Variants in STK32C observed in about 807,000 individuals in gnomAD.
The protein encoded by STK32C is serine/threonine-protein kinase 32C.
Under a neutral mutation model 56.5 loss-of-function variants are expected in STK32C, and 31 were observed. That is an observed-to-expected ratio of 0.55 (90% confidence interval 0.41 to 0.74). STK32C has a LOEUF of 0.74. Among genes scored for constraint, STK32C ranks in the 30% least tolerant of loss-of-function variants. STK32C has a pLI of 0.00. For synonymous variants in STK32C, 309 were observed against 289.4 expected, an observed-to-expected ratio of 1.07 and a Z score of -0.69; for missense variants, 544 against 676.9, an observed-to-expected ratio of 0.80 and a Z score of 2.18.
At chr10:132,222,489 G>A in intron 10 of STK32C, 152 bp downstream of exon 10, 2 of 984,750 alleles carry the variant, frequency 2.0e-6, no homozygotes, top group South Asian at 3.4e-5. Flanking sequence ...AGGCAGAAGG[G>A]AGGTCTCTGG....
chr10:132,292,918 T>C (rs941493642), intron 1 of STK32C, among the ~76,000 whole-genome samples: 2 of 134,798 alleles, frequency 1.5e-5, no homozygotes, highest in Admixed American at 7.1e-5. Flanking sequence ...CCCTTCCCCA[T>C]GCAGACGTCC....
chr10:132,249,950 G>C (rs1259891556), intron 1 of STK32C, among the ~76,000 whole-genome samples: 1 of 152,260 alleles, frequency 6.6e-6, no homozygotes, highest in Non-Finnish European at 1.5e-5. Flanking sequence ...CTCAGCGGAG[G>C]AGATAAGGAA....
chr10:132,305,969 G>A (rs2066046984), intron 1 of STK32C, among the ~76,000 whole-genome samples: 2 of 152,232 alleles, frequency 1.3e-5, no homozygotes, highest in South Asian at 2.1e-4. Flanking sequence ...TCCTACTACA[G>A]GCAAATACGG....
At chr10:132,225,369 AC>A in intron 6 of STK32C, 33 bp from the exon 7 acceptor site, 1 of 1,594,924 alleles carries the variant, frequency 6.3e-7, no homozygotes, top group Non-Finnish European at 8.5e-7. Flanking sequence ...AACAGCTGCC[AC>A]GGGGTCACAG....
intron 1 of STK32C, among the ~76,000 whole-genome samples, chr10:132,264,112 T>C (rs1012517429): frequency 6.6e-6 from 1 of 152,116 alleles, no homozygotes; most frequent in Non-Finnish European, 1.5e-5. Context: ...TCAGTAGGCA[T>C]GGAGTCTCCC....
At chr10:132,253,150 T>C (rs2063966834) in intron 1 of STK32C, among the ~76,000 whole-genome samples, 1 of 152,232 alleles carries the variant, frequency 6.6e-6, no homozygotes, top group Non-Finnish European at 1.5e-5. Flanking sequence ...TCTCCAGGCT[T>C]ACCAGGAGCA....
intron 1 of STK32C, among the ~76,000 whole-genome samples, chr10:132,289,641 G>A (rs2065508236): frequency 6.6e-6 from 1 of 152,218 alleles, no homozygotes; most frequent in South Asian, 2.1e-4. Context: ...GGAAGACTCA[G>A]TGTCTGGTGA....
At chr10:132,223,752 G>C (rs529948279) in intron 8 of STK32C, among the ~76,000 whole-genome samples, 1 of 152,184 alleles carries the variant, frequency 6.6e-6, no homozygotes, top group Non-Finnish European at 1.5e-5. Flanking sequence ...AGCCGGGCCC[G>C]TGTGGCACAC....
At position 132,231,399 on chromosome 10, in the gene STK32C, G is replaced by C. The variant is rs147739668; in HGVS notation, c.319-3271C>G. Among the ~76,000 whole-genome samples, 437 of 152,348 alleles carry C rather than the reference G, an allele frequency of 2.9e-3. 4 individuals are homozygous for C. The highest frequency in any genetic ancestry group is 1.0e-2 in the African/African-American group (415 of 41,574). Reference sequence around the variant, plus strand: ...AGGCAGGGTTACACTCAGGTCTCCCGAGTCTTTGGGCTCTGTGTCCTGGAA... The same window carrying C: ...AGGCAGGGTTACACTCAGGTCTCCCCAGTCTTTGGGCTCTGTGTCCTGGAA... On this transcript the variant is annotated intron_variant, in intron 2 of 11. Coordinates refer to ENST00000298630, the MANE Select transcript of STK32C (RefSeq NM_173575.4).
chr10:132,243,711 G>A (rs1041117448), intron 2 of STK32C, among the ~76,000 whole-genome samples: 22 of 152,308 alleles, frequency 1.4e-4, no homozygotes, highest in Middle Eastern at 3.4e-3. Flanking sequence ...ATCCATTTCC[G>A]AGAGCGGCGG....
chr10:132,297,492 G>T (rs2065787501), intron 1 of STK32C, among the ~76,000 whole-genome samples: 1 of 152,182 alleles, frequency 6.6e-6, no homozygotes, highest in African/African-American at 2.4e-5. Flanking sequence ...AGGGTCCAAT[G>T]CTTTCTTCAG....
intron 10 of STK32C, among the ~76,000 whole-genome samples, chr10:132,209,785 C>T (rs2062232012): frequency 6.6e-6 from 1 of 152,164 alleles, no homozygotes; most frequent in South Asian, 2.1e-4. Context: ...ACTACCAACG[C>T]GTGAGCAAAT....
chr10:132,215,666 G>A (rs980850628), intron 10 of STK32C, among the ~76,000 whole-genome samples: 4 of 152,094 alleles, frequency 2.6e-5, no homozygotes, highest in South Asian at 2.1e-4. Context: ...TTTATTAGCA[G>A]CGTGAGAACA....
In STK32C at chr10:132,240,303, T is replaced by G. The variant is rs531597547; in HGVS notation, c.318+5597A>C. ...CCCTCAGAACCAGCTCCTCCCGGCG[T>G]GGACTCAGAGGCCACAGGCTCAGCC... is the stretch of plus-strand genomic sequence containing the variant. On this transcript the variant is annotated intron_variant, in intron 2 of 11. Transcript: ENST00000298630. Among the ~76,000 whole-genome samples the G allele has an allele frequency of 2.0e-3, 312 of 152,278 alleles. 2 individuals carry two copies. Among genetic ancestry groups the G allele is most frequent in the African/African-American group, 7.4e-3 (306 of 41,554 alleles).
At chr10:132,230,469 G>A (rs376768657) in intron 2 of STK32C, among the ~76,000 whole-genome samples, 53 of 152,118 alleles carry the variant, frequency 3.5e-4, no homozygotes, top group African/African-American at 1.0e-3. Context: ...CAGCACCCGC[G>A]GCCTCCTGCA....
chr10:132,277,346 C>A (rs2065023783), intron 1 of STK32C, among the ~76,000 whole-genome samples: 2 of 152,262 alleles, frequency 1.3e-5, no homozygotes, highest in Non-Finnish European at 2.9e-5. Context: ...CTCCAGCCCA[C>A]CATTCCTGTG....
Position 132,230,676 on chromosome 10 carries a change from T to TGGTGGG in STK32C, c.319-2549_319-2548insCCCACC, listed in dbSNP as rs1301559652. Among the ~76,000 whole-genome samples, 11 of 6,748 alleles carry TGGTGGG rather than the reference T, an allele frequency of 1.6e-3. 1 individual carries two copies. The highest frequency in any genetic ancestry group is 6.0e-3 in the Admixed American group (5 of 828). 4.4% of individuals were successfully genotyped at this position (6,748 alleles called of 152,430 possible). On this transcript the variant is annotated intron_variant, in intron 2 of 11. Coordinates refer to ENST00000298630, the MANE Select transcript of STK32C (RefSeq NM_173575.4). ...GGGCTCTTGCTGCTGGGGGGGAAGC[T>TGGTGGG]GGCGGGGGGGGGGGGGCTGCAGAGC...
At chr10:132,252,126 G>T (rs184294992) in intron 1 of STK32C, among the ~76,000 whole-genome samples, 1 of 152,378 alleles carries the variant, frequency 6.6e-6, no homozygotes, top group African/African-American at 2.4e-5. Context: ...CTCTGGCCAA[G>T]AACCCGCTAG....
At chr10:132,227,047 C>T (rs1438626151) in intron 3 of STK32C, 79 bp from the exon 4 acceptor site, 18 of 1,511,112 alleles carry the variant, frequency 1.2e-5, no homozygotes, top group Non-Finnish European at 1.5e-5. Flanking sequence ...GACACACTCC[C>T]CCTAAGGACC....
Sources: allele counts gnomAD v4.1 joint callset (sites outside exome capture counted in the v4.1 genomes callset), GRCh38; gene constraint gnomAD v4.1.1; transcripts MANE v1.5; gene names NCBI Gene and HGNC (gene_info 2026-07-23, HGNC 2026-07-21).